TTBK2: variants seen among roughly 807,000 people sequenced by gnomAD.
The protein encoded by TTBK2 is tau-tubulin kinase 2.
TTBK2 carries 28 observed loss-of-function variants against 110.8 expected under a neutral mutation model. The observed-to-expected ratio is 0.25, with a 90% confidence interval of 0.19 to 0.35. TTBK2 has a LOEUF of 0.35. Among genes scored for constraint, TTBK2 ranks in the 10% least tolerant of loss-of-function variants. The pLI is 1.00. For missense variants in TTBK2, 1,369 were observed against 1,500.3 expected (o/e 0.91, Z 1.45); for synonymous variants, 532 against 527.3 (o/e 1.01, Z -0.12).
chr15:42,766,439 T>C lies in TTBK2; in HGVS notation c.1998+8696A>G, dbSNP rs139046632. On this transcript the variant is annotated intron_variant, in intron 13 of 14. Coordinates refer to ENST00000267890, the MANE Select transcript of TTBK2 (RefSeq NM_173500.4). ...GACGAAGGAAGATCTACCAAGCGAATGGAAAGCAAAAAAAAAAAAAAAAAA... is the reference window on the plus strand; with the variant it reads ...GACGAAGGAAGATCTACCAAGCGAACGGAAAGCAAAAAAAAAAAAAAAAAA... Among the ~76,000 whole-genome samples the C allele has an allele frequency of 0.016, 805 of 50,122 alleles. 14 individuals carry two copies. In the African/African-American group the frequency reaches 0.22, roughly 13 times the overall value. The allele number at this position is 50,122 out of a possible 152,430, so 32.9% of individuals were successfully genotyped here.
At chr15:42,904,333 T>C (rs2030246627) in intron 1 of TTBK2, among the ~76,000 whole-genome samples, 1 of 152,180 alleles carries the variant, frequency 6.6e-6, no homozygotes, top group Admixed American at 6.5e-5. Context: ...AGATTATGGA[T>C]TATACCTGAA....
intron 14 of TTBK2, among the ~76,000 whole-genome samples, chr15:42,746,963 ATTT>A (rs377241095): frequency 1.5e-5 from 2 of 135,224 alleles, no homozygotes; most frequent in Non-Finnish European, 3.2e-5. Flanking sequence ...TGGGCCTCAG[ATTT>A]TTTTTTTTTT....
At chr15:42,799,310 C>T (rs932303696) in intron 9 of TTBK2, among the ~76,000 whole-genome samples, 14 of 152,116 alleles carry the variant, frequency 9.2e-5, no homozygotes, top group African/African-American at 3.4e-4. Context: ...GCGGAGCTTG[C>T]AGTGAGTGGA....
chr15:42,798,339 C>G, intron 9 of TTBK2: 1 of 456,104 alleles, frequency 2.2e-6, no homozygotes. Context: ...CTCTAAAAGG[C>G]ATGTCCCATA....
intron 4 of TTBK2, among the ~76,000 whole-genome samples, chr15:42,832,931 T>C (rs1892823378): frequency 6.6e-6 from 1 of 152,136 alleles, no homozygotes; most frequent in South Asian, 2.1e-4. Flanking sequence ...AATAAGTGAA[T>C]AGTTACATAA....
Position 42,745,871 on chromosome 15 carries a change from C to T in TTBK2, c.3659G>A (p.Gly1220Asp), listed in dbSNP as rs952126930. ...GCTGGCTGAGTGGTGGTGGAGGCTGCCGGATCCTTTCAGGCCATTCTTGCT... is the reference window on the plus strand; with the variant it reads ...GCTGGCTGAGTGGTGGTGGAGGCTGTCGGATCCTTTCAGGCCATTCTTGCT... The part of the protein sequence containing the change: ...KPSKNGLKGS[G>D]SLHHHSASTK... The change falls in exon 15 of 15, where the codon GGC (glycine) becomes GAC (aspartate). Residue 1220 changes from glycine to aspartate, a missense_variant. Gly to Asp is a moderately conservative substitution (Grantham distance 94). This residue lies in a region of TTBK2 where 1,097 missense variants were observed against 1,114.7 expected (regional missense o/e 0.98). Transcript: ENST00000267890. 6.2e-7 allele frequency: 1 copy of T among 1,614,120 alleles called. No homozygotes were observed.
At chr15:42,800,892 G>T in intron 9 of TTBK2, 1 of 641,448 alleles carries the variant, frequency 1.6e-6, no homozygotes, top group Non-Finnish European at 2.8e-6. Context: ...CCCGTTCCCT[G>T]TGTTCCCCTG....
intron 1 of TTBK2, among the ~76,000 whole-genome samples, chr15:42,915,007 A>C (rs905701688): frequency 6.6e-6 from 1 of 152,346 alleles, no homozygotes; most frequent in South Asian, 2.1e-4. Flanking sequence ...TCCAACCCCT[A>C]GCACAGTAAC....
At position 42,752,124 on chromosome 15, in the gene TTBK2, A is replaced by G. The variant is rs761736684; in HGVS notation, c.3122T>C (p.Leu1041Pro). The change falls in exon 14 of 15, where the codon CTG becomes CCG. Residue 1041 changes from leucine to proline, a missense_variant. Physicochemically the swap from Leu to Pro is moderately conservative, Grantham distance 98. Coordinates refer to ENST00000267890, the MANE Select transcript of TTBK2 (RefSeq NM_173500.4). The stretch of plus-strand genomic sequence containing the variant: ...TCTAGACTGGGAGATGATGGGTGAC[A>G]GAAAGCTATCTTCAGCTGACCTACT... ...HLSRSAEDSF[L>P]SPIISQSRKS... 4 of 1,614,112 alleles carry G rather than the reference A, an allele frequency of 2.5e-6. No individual in the cohort carries two copies. The highest frequency in any genetic ancestry group is 3.3e-5 in the Admixed American group (2 of 60,006).
chr15:42,764,806 A>G lies in TTBK2; in HGVS notation c.1998+10329T>C, dbSNP rs151071869. Among the ~76,000 whole-genome samples the G allele has an allele frequency of 3.5e-3, 531 of 152,340 alleles. 1 individual carries two copies. The highest frequency in any genetic ancestry group is 0.012 in the African/African-American group (509 of 41,578). On this transcript the variant is annotated intron_variant, in intron 13 of 14. Coordinates refer to ENST00000267890, the MANE Select transcript of TTBK2 (RefSeq NM_173500.4). ...CGGAGAATGGACAGACTGCCTCCTCAAGTGGGTCCCTGACACCCGTGTAGC... is the reference window on the plus strand; with the variant it reads ...CGGAGAATGGACAGACTGCCTCCTCGAGTGGGTCCCTGACACCCGTGTAGC...
intron 9 of TTBK2, among the ~76,000 whole-genome samples, chr15:42,799,260 C>T (rs1388761319): frequency 6.6e-6 from 1 of 151,946 alleles, no homozygotes; most frequent in African/African-American, 2.4e-5. Context: ...GTCCCAGCTA[C>T]TCGGGAGGCT....
intron 1 of TTBK2, among the ~76,000 whole-genome samples, chr15:42,902,352 C>T (rs529252247): frequency 1.4e-4 from 22 of 151,826 alleles, no homozygotes; most frequent in Non-Finnish European, 3.1e-4. Context: ...GAAACCCCAT[C>T]TCTACTAAAA....
chr15:42,819,119 A>G (rs1024235424), intron 6 of TTBK2, among the ~76,000 whole-genome samples: 2 of 151,096 alleles, frequency 1.3e-5, no homozygotes, highest in Admixed American at 6.6e-5. Context: ...AGTAACCTCA[A>G]ATTTTTCTCA....
intron 10 of TTBK2, among the ~76,000 whole-genome samples, chr15:42,786,121 A>G (rs1890402305): frequency 1.8e-5 from 1 of 55,524 alleles, no homozygotes; most frequent in Non-Finnish European, 4.3e-5. Context: ...TGGCTCCCCG[A>G]AAAAAAAGAA....
intron 8 of TTBK2, among the ~76,000 whole-genome samples, chr15:42,811,194 A>G (rs988339782): frequency 6.6e-6 from 1 of 151,982 alleles, no homozygotes; most frequent in Non-Finnish European, 1.5e-5. Context: ...GGGTCTCACT[A>G]TGTTATCCAG....
chr15:42,747,846 G>A (rs2061816713), intron 14 of TTBK2, among the ~76,000 whole-genome samples: 1 of 152,114 alleles, frequency 6.6e-6, no homozygotes, highest in Non-Finnish European at 1.5e-5. Context: ...AGATCCCCAT[G>A]TTTCTATGGG....
At chr15:42,803,976 A>G (rs955700402) in intron 9 of TTBK2, among the ~76,000 whole-genome samples, 5 of 149,244 alleles carry the variant, frequency 3.4e-5, no homozygotes, top group Admixed American at 2.7e-4. Flanking sequence ...TCAGTGAGCC[A>G]AAATTGTACC....
At chr15:42,763,180 A>ATG (rs1567009020) in intron 13 of TTBK2, among the ~76,000 whole-genome samples, 4 of 18,700 alleles carry the variant, frequency 2.1e-4, no homozygotes, top group African/African-American at 5.2e-4. Context: ...ATATATATAT[A>ATG]TATATATATA....
chr15:42,739,076 C>T lies in TTBK2; in HGVS notation c.*6719G>A, dbSNP rs942528497. On this transcript the variant is annotated 3_prime_UTR_variant, in exon 15 of 15. Transcript: ENST00000267890. Reference sequence around the variant, plus strand: ...CACTGTACAAAGCTTTAATATGATACAAATGGGAAAATTAAATAAATAATT... The same window carrying T: ...CACTGTACAAAGCTTTAATATGATATAAATGGGAAAATTAAATAAATAATT... 2 of 152,082 alleles carry T rather than the reference C, an allele frequency of 1.3e-5. No individual in the cohort carries two copies. The highest frequency in any genetic ancestry group is 4.8e-5 in the African/African-American group (2 of 41,414). 9.4% of individuals were successfully genotyped at this position (152,082 alleles called of 1,614,324 possible). A position where few individuals can be genotyped will look rare whatever the true frequency, so the allele number is the denominator to read the frequency against.
Sources: gnomAD v4.1 joint callset for allele counts (sites outside exome capture counted in the v4.1 genomes callset) on GRCh38, gnomAD v4.1.1 for gene constraint, gnomAD v4.1.1 regional missense constraint, MANE v1.5 for transcripts, NCBI Gene and HGNC (gene_info 2026-07-23, HGNC 2026-07-21) for gene names.